NRXN1: variants seen among roughly 807,000 people sequenced by gnomAD.
NRXN1 encodes the protein neurexin-1.
Under a neutral mutation model 150.9 loss-of-function variants are expected in NRXN1, and 39 were observed. The ratio of observed to expected loss-of-function variants is 0.26; its 90% CI spans 0.20 to 0.34. The LOEUF (loss-of-function observed/expected upper bound fraction) is 0.34, where lower values mean the gene tolerates loss of function less well. NRXN1 is among the 10% of genes least tolerant of loss of function. The probability of loss-of-function intolerance (pLI) is 1.00; values close to 1 mark genes in which losing one functional copy is unlikely to be tolerated. For missense variants in NRXN1, 1,815 were observed against 1,949.9 expected, an observed-to-expected ratio of 0.93 and a Z score of 1.30; for synonymous variants, 924 against 757.0, an observed-to-expected ratio of 1.22 and a Z score of -3.62.
intron 8 of NRXN1, among the ~76,000 whole-genome samples, chr2:50,590,544 T>C (rs1573682837): frequency 6.6e-6 from 1 of 152,088 alleles, no homozygotes; most frequent in East Asian, 1.9e-4. Context: ...AGACCTAATA[T>C]GTGTGCCCCC....
Position 50,347,034 on chromosome 2 carries a change from C to A in NRXN1, c.3365-110064G>T. ...GGAGAGGGCGCAGGGGAGCGGGCGG[C>A]GCGGAGTGGGCTGAGGGGCCGGCCG... On this transcript the variant is annotated intron_variant, in intron 17 of 22. Coordinates refer to ENST00000401669, the MANE Select transcript of NRXN1 (RefSeq NM_001330078.2). The surrounding 1 kb of genome is among the most constrained non-coding windows in gnomAD (Gnocchi z 4.9). 3 of 1,369,768 alleles carry A rather than the reference C, an allele frequency of 2.2e-6. No individual in the cohort carries two copies. The highest frequency in any genetic ancestry group is 2.5e-5 in the South Asian group (2 of 79,196). 84.9% of individuals were successfully genotyped at this position (1,369,768 alleles called of 1,614,324 possible).
chr2:50,380,128 A>T (rs2080842133), intron 17 of NRXN1, among the ~76,000 whole-genome samples: 1 of 152,138 alleles, frequency 6.6e-6, no homozygotes, highest in African/African-American at 2.4e-5. Flanking sequence ...TTTCATTAAG[A>T]ACTTGACTAC....
At chr2:50,132,643 T>C (rs945669457) in intron 18 of NRXN1, among the ~76,000 whole-genome samples, 8 of 152,050 alleles carry the variant, frequency 5.3e-5, no homozygotes, top group Admixed American at 2.0e-4. Context: ...TTGATGTGAA[T>C]TGGGGGAGGA....
At chr2:50,667,587 C>T (rs578034455) in intron 5 of NRXN1, among the ~76,000 whole-genome samples, 1 of 152,066 alleles carries the variant, frequency 6.6e-6, no homozygotes, top group East Asian at 1.9e-4. Context: ...TGGTTCACTG[C>T]TGCATCAAAT....
At chr2:50,034,592 T>A (rs557380447) in intron 21 of NRXN1, among the ~76,000 whole-genome samples, 1 of 152,122 alleles carries the variant, frequency 6.6e-6, no homozygotes, top group African/African-American at 2.4e-5. Context: ...CCAACCCCCA[T>A]GACACAAGTT....
chr2:50,498,572 C>T (rs557403202), intron 13 of NRXN1, among the ~76,000 whole-genome samples: 80 of 152,264 alleles, frequency 5.3e-4, no homozygotes, highest in African/African-American at 1.9e-3. Context: ...ACTCAGTCCT[C>T]ATTTCTCTCT....
intron 18 of NRXN1, among the ~76,000 whole-genome samples, chr2:50,104,806 C>A (rs561915485): frequency 6.6e-6 from 1 of 151,944 alleles, no homozygotes; most frequent in Non-Finnish European, 1.5e-5. Context: ...AACATGCTTA[C>A]AAGAGGTTGC....
At position 50,095,946 on chromosome 2, in the gene NRXN1, C is replaced by T. The variant is rs1050257237; in HGVS notation, c.3547-4452G>A. 1.0e-4 allele frequency among the ~76,000 whole-genome samples: 12 copies of T among 118,492 alleles called. No homozygotes were observed. In the Admixed American group the frequency reaches 1.2e-3, roughly 12 times the overall value. 77.7% of individuals were successfully genotyped at this position (118,492 alleles called of 152,430 possible). On this transcript the variant is annotated intron_variant, in intron 18 of 22. Coordinates refer to ENST00000401669, the MANE Select transcript of NRXN1 (RefSeq NM_001330078.2). ...CGCTATCCCTCCCCCCTCCCCCCAC[C>T]CCACAACAGGCCCCGGTGTGTGATG...
intron 8 of NRXN1, among the ~76,000 whole-genome samples, chr2:50,587,903 CA>C (rs1235659614): frequency 1.3e-5 from 2 of 151,936 alleles, no homozygotes; most frequent in African/African-American, 4.8e-5. Context: ...TATATTAAGA[CA>C]AATGCAAACA....
intron 18 of NRXN1, among the ~76,000 whole-genome samples, chr2:50,232,900 C>T (rs971577106): frequency 6.6e-6 from 1 of 152,046 alleles, no homozygotes; most frequent in African/African-American, 2.4e-5. Context: ...ATCACCATAA[C>T]CAATTCTTAG....
intron 12 of NRXN1, among the ~76,000 whole-genome samples, chr2:50,528,228 A>T (rs1475539031): frequency 9.5e-6 from 1 of 105,326 alleles, no homozygotes; most frequent in East Asian, 2.4e-4. Flanking sequence ...TCTCGAAGTA[A>T]GAGGAATTAA....
At chr2:50,826,647 T>C (rs1410753446) in intron 5 of NRXN1, among the ~76,000 whole-genome samples, 1 of 152,158 alleles carries the variant, frequency 6.6e-6, no homozygotes, top group Non-Finnish European at 1.5e-5. Flanking sequence ...AGATGACTCC[T>C]AGGTGTATTT....
chr2:50,967,072 G>A (rs1694224766), intron 2 of NRXN1, among the ~76,000 whole-genome samples: 1 of 151,834 alleles, frequency 6.6e-6, no homozygotes, highest in Admixed American at 6.6e-5. Context: ...AATAATAAAA[G>A]TTGTTTTAAG....
intron 17 of NRXN1, among the ~76,000 whole-genome samples, chr2:50,377,429 A>T (rs1298781834): frequency 6.6e-6 from 1 of 152,122 alleles, no homozygotes; most frequent in African/African-American, 2.4e-5. Flanking sequence ...GCATGATCTC[A>T]TCATTCCTTT....
At chr2:49,987,788 T>A (rs1681189109) in intron 21 of NRXN1, among the ~76,000 whole-genome samples, 1 of 152,038 alleles carries the variant, frequency 6.6e-6, no homozygotes, top group African/African-American at 2.4e-5. Flanking sequence ...AGCTGTGACT[T>A]TTGGAAAAGA....
At chr2:50,669,941 A>G (rs1688604888) in intron 5 of NRXN1, among the ~76,000 whole-genome samples, 1 of 151,932 alleles carries the variant, frequency 6.6e-6, no homozygotes, top group African/African-American at 2.4e-5. Context: ...TACTGCTAGC[A>G]TAATTTTCAA....
intron 17 of NRXN1, among the ~76,000 whole-genome samples, chr2:50,446,806 A>C (rs941393151): frequency 3.9e-5 from 6 of 152,106 alleles, no homozygotes; most frequent in Admixed American, 1.3e-4. Flanking sequence ...TGTTATACAA[A>C]TATGCATTAT....
chr2:50,249,261 A>G (rs1179079664), intron 17 of NRXN1, among the ~76,000 whole-genome samples: 2 of 152,088 alleles, frequency 1.3e-5, no homozygotes, highest in Non-Finnish European at 2.9e-5. Flanking sequence ...TCTTCTAATA[A>G]AACAAGACAA....
At chr2:50,454,538 AG>A (rs921691862) in intron 17 of NRXN1, among the ~76,000 whole-genome samples, 11 of 152,012 alleles carry the variant, frequency 7.2e-5, no homozygotes, top group Non-Finnish European at 1.6e-4. Context: ...TTTTGTTCCT[AG>A]TTACGGAATA....
Sources: gnomAD v4.1 joint callset for allele counts (sites outside exome capture counted in the v4.1 genomes callset) on GRCh38, gnomAD v4.1.1 for gene constraint, Gnocchi (gnomAD v3.1) non-coding constraint, MANE v1.5 for transcripts, NCBI Gene and HGNC (gene_info 2026-07-23, HGNC 2026-07-21) for gene names.